The following KCTD18 variants were observed in gnomAD, a reference collection of about 807,000 sequenced individuals.
The protein encoded by KCTD18 is potassium channel tetramerization domain containing 18.
Under a neutral mutation model 30.4 loss-of-function variants are expected in KCTD18, and 22 were observed. That is an observed-to-expected ratio of 0.72 (90% CI 0.52 to 1.03). The LOEUF (loss-of-function observed/expected upper bound fraction) is 1.03. Among genes scored for constraint, KCTD18 ranks in the 50% least tolerant of loss-of-function variants. The pLI is 0.00. For missense variants in KCTD18, 529 were observed against 547.6 expected, an observed-to-expected ratio of 0.97 and a Z score of 0.34; for synonymous variants, 186 against 209.0, an observed-to-expected ratio of 0.89 and a Z score of 0.95.
rs779779147 is a variant in KCTD18, at chr2:200,490,437, T to G, written c.944A>C (p.Gln315Pro). 1.2e-6 allele frequency: 2 copies of G among 1,614,006 alleles called. No individual in the cohort carries two copies. The highest frequency in any genetic ancestry group is 3.3e-5 in the Admixed American group (2 of 60,006). ...AGCTGCCTTTCTGCGGCTACCACTT[T>G]GAAACCGGTTTGCTGTCGCCCCAGC... The part of the protein sequence containing the change: ...TSAGATANRF[Q>P]SGSRRKAAQR... Residue 315 changes from glutamine (Q) to proline (P), a missense_variant, in exon 7 of 7, where the codon CAA (glutamine) becomes CCA (proline). Physicochemically the swap from Gln to Pro is moderately conservative, Grantham distance 76. Transcript: ENST00000359878.
At position 200,498,705 on chromosome 2, in the gene KCTD18, T is replaced by C. The variant is rs543710925; in HGVS notation, c.566+186A>G. 1.2e-3 allele frequency among the ~76,000 whole-genome samples: 177 copies of C among 152,364 alleles called. 1 individual carries two copies. The highest frequency in any genetic ancestry group is 2.1e-3 in the Non-Finnish European group (146 of 68,044). ...GATGGCATGCAGCTTATCCATACTG[T>C]ATGGGAAATGATCTTAATTATAATT... On this transcript the variant is annotated intron_variant, in intron 4 of 6. Coordinates refer to ENST00000359878, the MANE Select transcript of KCTD18 (RefSeq NM_152387.4).
intron 5 of KCTD18, 85 bp from the exon 6 acceptor site, chr2:200,493,359 G>A: frequency 2.5e-6 from 2 of 813,766 alleles, no homozygotes; most frequent in Non-Finnish European, 4.3e-6. Flanking sequence ...ACCTGCCAGA[G>A]TCTGAGGTTC....
intron 3 of KCTD18, among the ~76,000 whole-genome samples, chr2:200,501,158 G>A (rs998332461): frequency 5.9e-5 from 9 of 152,096 alleles, no homozygotes; most frequent in African/African-American, 9.7e-5. Flanking sequence ...AGACTTAAAC[G>A]TTAGACCTAA....
In KCTD18 at chr2:200,504,709, T is replaced by C. The variant is rs200584336; in HGVS notation, c.372+39A>G. On this transcript the variant is annotated intron_variant, in intron 3 of 6. Transcript: ENST00000359878. ...ATAGTACATATTGCTTTGTGCATCA[T>C]AAATATATATATTCAAAAACTTAAA... The C allele has an allele frequency of 2.1e-6, 3 of 1,417,260 alleles. No individual in the cohort carries two copies. The Admixed American group carries it at 5.4e-5, about 25-fold the overall frequency. 87.8% of individuals were successfully genotyped at this position (1,417,260 alleles called of 1,614,324 possible). A position where few individuals can be genotyped will look rare whatever the true frequency, so the allele number is the denominator to read the frequency against.
chr2:200,509,428 T>TC lies in KCTD18; in HGVS notation c.-76+199dup, dbSNP rs773898300. ...CTACGATAACACAGCAGCACCCCGA[T>TC]CCCGAGGATTTAAGAGCTACTCCTC... On this transcript the variant is annotated intron_variant, in intron 1 of 6. Coordinates refer to ENST00000359878, the MANE Select transcript of KCTD18 (RefSeq NM_152387.4). Among the ~76,000 whole-genome samples the TC allele has an allele frequency of 1.2e-4, 18 of 152,066 alleles. 1 individual carries two copies. The highest frequency in any genetic ancestry group is 1.8e-4 in the Non-Finnish European group (12 of 67,994).
chr2:200,498,135 TA>T (rs1170488641), intron 4 of KCTD18, among the ~76,000 whole-genome samples: 2 of 152,072 alleles, frequency 1.3e-5, no homozygotes, highest in African/African-American at 2.4e-5. Context: ...ATCAAGTTTT[TA>T]AAAAAAATCA....
intron 1 of KCTD18, among the ~76,000 whole-genome samples, 152 bp downstream of exon 1, chr2:200,509,476 C>A (rs902101329): frequency 6.6e-6 from 1 of 152,142 alleles, no homozygotes; most frequent in Non-Finnish European, 1.5e-5. Context: ...CAGGCAGTCT[C>A]TCCTAAGGAT....
At chr2:200,504,987 T>C (rs771057331) in intron 2 of KCTD18, 28 bp from the exon 3 acceptor site, 24 of 1,557,316 alleles carry the variant, frequency 1.5e-5, no homozygotes, top group Middle Eastern at 1.7e-4. Context: ...CAAAAATGAT[T>C]ATAGAGATTC....
intron 2 of KCTD18, 81 bp downstream of exon 2, chr2:200,506,776 G>C: frequency 7.8e-7 from 1 of 1,275,794 alleles, no homozygotes; most frequent in Non-Finnish European, 1.1e-6. Context: ...AGTACATTTC[G>C]CTGTAATTAA....
chr2:200,493,724 A>C (rs1275016568), intron 5 of KCTD18, among the ~76,000 whole-genome samples: 1 of 152,224 alleles, frequency 6.6e-6, no homozygotes, highest in Non-Finnish European at 1.5e-5. Context: ...TGAGTTAATA[A>C]ATGCAAAGTG....
At position 200,492,563 on chromosome 2, in the gene KCTD18, A is replaced by G. The variant is rs184608678; in HGVS notation, c.764+609T>C. Reference sequence around the variant, plus strand: ...ATGTAAGAAAGTAGTCTGAAATTCCATACGGGCATTCAATTAAATTGTAGA... The same window carrying G: ...ATGTAAGAAAGTAGTCTGAAATTCCGTACGGGCATTCAATTAAATTGTAGA... On this transcript the variant is annotated intron_variant, in intron 6 of 6. Transcript: ENST00000359878. Among the ~76,000 whole-genome samples, 236 of 152,364 alleles carry G rather than the reference A, an allele frequency of 1.5e-3. 2 individuals are homozygous for G. Among genetic ancestry groups the G allele is most frequent in the Non-Finnish European group, 2.5e-3 (168 of 68,038 alleles).
intron 6 of KCTD18, 65 bp downstream of exon 6, chr2:200,493,107 A>G: frequency 1.1e-6 from 1 of 903,118 alleles, no homozygotes; most frequent in Non-Finnish European, 1.9e-6. Context: ...TTTTCCCTTC[A>G]CAAAGGCAGT....
chr2:200,490,212 C>G lies in KCTD18; in HGVS notation c.1169G>C (p.Cys390Ser), dbSNP rs3795969. The change falls in exon 7 of 7, where the codon TGC becomes TCC. Residue 390 changes from cysteine (C) to serine (S), a missense_variant. Cys to Ser is a moderately radical substitution (Grantham distance 112). Coordinates refer to ENST00000359878, the MANE Select transcript of KCTD18 (RefSeq NM_152387.4). ...CCTCGTGGCCGTGGGGGAGGGCAGG[C>G]AAGGCGCGGTGGCGCACAGCGGAGT... is the stretch of plus-strand genomic sequence containing the variant. ...KRTPLCATAPCLPSPTATRQA... is the reference protein window; with the variant it reads ...KRTPLCATAPSLPSPTATRQA... 0.38 allele frequency: 615,366 copies of G among 1,613,828 alleles called. 119,506 individuals are homozygous for G. The highest frequency in any genetic ancestry group is 0.47 in the East Asian group (21,046 of 44,864).
chr2:200,497,985 T>C (rs2088022313), intron 4 of KCTD18, 138 bp from the exon 5 acceptor site: 1 of 644,262 alleles, frequency 1.6e-6, no homozygotes. Flanking sequence ...TGTTCTGTGA[T>C]CCTTAAGTAT....
chr2:200,509,972 C>G lies in KCTD18; in HGVS notation c.-420G>C, dbSNP rs2030444619. ...CCATCCCGCGCCCGGCTCTTCCGCA[C>G]CGGGGGGGTGGGGCGGGTCGGCAGC... is the stretch of plus-strand genomic sequence containing the variant. On this transcript the variant is annotated 5_prime_UTR_variant, in exon 1 of 7. Transcript: ENST00000359878. 1 of 151,626 alleles carries G rather than the reference C, an allele frequency of 6.6e-6. No individual in the cohort carries two copies. Among genetic ancestry groups the G allele is most frequent in the African/African-American group, 2.4e-5 (1 of 41,336 alleles). The allele number at this position is 151,626 out of a possible 1,614,324, so 9.4% of individuals were successfully genotyped here.
intron 5 of KCTD18, chr2:200,497,474 C>A: frequency 3.7e-6 from 1 of 272,812 alleles, no homozygotes. Flanking sequence ...TTTTCCAATG[C>A]ACAGTAGGTA....
At chr2:200,508,694 C>T (rs1052979697) in intron 1 of KCTD18, among the ~76,000 whole-genome samples, 3 of 152,176 alleles carry the variant, frequency 2.0e-5, no homozygotes, top group African/African-American at 4.8e-5. Flanking sequence ...GTGTAGAATA[C>T]GGTCAGCAAC....
rs920922612 is a variant in KCTD18 at position 200,497,742 on chromosome 2, T to C, written c.661+11A>G. ...CACCTGCTTCCATGAAATAAAAGAA[T>C]TGCACTGTACCTTTTCCTTCCCAAG... On this transcript the variant is annotated intron_variant, in intron 5 of 6. Coordinates refer to ENST00000359878, the MANE Select transcript of KCTD18 (RefSeq NM_152387.4). The C allele has an allele frequency of 1.9e-6, 3 of 1,571,784 alleles. No homozygotes were observed. The highest frequency in any genetic ancestry group is 1.7e-5 in the Admixed American group (1 of 59,902).
chr2:200,504,478 A>G (rs1174352776), intron 3 of KCTD18, among the ~76,000 whole-genome samples: 2 of 150,140 alleles, frequency 1.3e-5, no homozygotes, highest in Admixed American at 6.6e-5. Flanking sequence ...AAAAAAAAAA[A>G]GCAAGAATTT....
Sources: gnomAD v4.1 joint callset for allele counts (sites outside exome capture counted in the v4.1 genomes callset) on GRCh38, gnomAD v4.1.1 for gene constraint, MANE v1.5 for transcripts, NCBI Gene and HGNC (gene_info 2026-07-23, HGNC 2026-07-21) for gene names.